RETREG1: variants seen among roughly 807,000 people sequenced by gnomAD.
RETREG1 encodes reticulophagy regulator 1.
In RETREG1, 44 loss-of-function variants were observed where a neutral mutation model predicts 54.8. The observed-to-expected ratio is 0.80, with a 90% confidence interval of 0.63 to 1.03. The LOEUF (loss-of-function observed/expected upper bound fraction) is 1.03, where lower values mean the gene tolerates loss of function less well. RETREG1 is among the 50% of genes least tolerant of loss of function. The probability of loss-of-function intolerance (pLI) is 0.00; values close to 1 mark genes in which losing one functional copy is unlikely to be tolerated. For synonymous variants in RETREG1, 217 were observed against 238.5 expected, an observed-to-expected ratio of 0.91 and a Z score of 0.83; for missense variants, 554 against 605.1, an observed-to-expected ratio of 0.92 and a Z score of 0.89.
chr5:16,531,941 C>CATGG lies in RETREG1; in HGVS notation c.458+33818_458+33821dup, dbSNP rs1361283535. ...TATGAGTTGGGAGAGCATCCCTGAG[C>CATGG]ATGGCCTTACCCATACAGGGCTGTG... On this transcript the variant is annotated intron_variant, in intron 3 of 8. Transcript: ENST00000306320. Among the ~76,000 whole-genome samples the CATGG allele has an allele frequency of 3.9e-5, 6 of 152,292 alleles. 1 individual carries two copies. Among genetic ancestry groups the CATGG allele is most frequent in the Middle Eastern group, 3.4e-3 (1 of 294 alleles).
chr5:16,503,081 C>G (rs4702148), intron 3 of RETREG1, among the ~76,000 whole-genome samples: 35,259 of 152,168 alleles, frequency 0.23, 4,406 homozygotes, highest in Middle Eastern at 0.31. Context: ...GAATTAGTCA[C>G]TCTGTGTTTA....
intron 3 of RETREG1, among the ~76,000 whole-genome samples, chr5:16,505,819 A>C (rs1315056538): frequency 5.3e-5 from 8 of 152,156 alleles, no homozygotes; most frequent in Admixed American, 5.2e-4. Context: ...CTGCTATCCT[A>C]GTCGCTGCCC....
intron 1 of RETREG1, among the ~76,000 whole-genome samples, chr5:16,601,490 A>G (rs1201950919): frequency 6.7e-6 from 1 of 149,758 alleles, no homozygotes; most frequent in Non-Finnish European, 1.5e-5. Context: ...TCCACTTCCC[A>G]GGTTCAAGTG....
intron 1 of RETREG1, among the ~76,000 whole-genome samples, chr5:16,586,251 T>C (rs902920423): frequency 1.3e-5 from 2 of 152,190 alleles, no homozygotes; most frequent in African/African-American, 4.8e-5. Context: ...AATCTTTGTG[T>C]CTTTTATCTT....
Position 16,565,780 on chromosome 5 carries a change from C to T in RETREG1, c.441G>A (p.Trp147Ter). The T allele has an allele frequency of 1.2e-6, 2 of 1,613,968 alleles. No homozygotes were observed. The highest frequency in any genetic ancestry group is 1.7e-6 in the Non-Finnish European group (2 of 1,179,996). The change falls in exon 3 of 9, where the codon TGG (tryptophan) becomes TGA (stop). Residue 147 changes from tryptophan to a stop codon, truncating the protein, a stop_gained. Coordinates refer to ENST00000306320, the MANE Select transcript of RETREG1 (RefSeq NM_001034850.3). LOFTEE classifies it high-confidence loss of function. ...VLSRTRGAQL[W>*]RSLSESWEVI... The stretch of plus-strand genomic sequence containing the variant: ...TTCCCTACCTTTCACTGAGGCTTCT[C>T]CACAACTGTGCACCTGCAACAGGGA...
At chr5:16,520,118 G>A (rs526087) in intron 3 of RETREG1, among the ~76,000 whole-genome samples, 36,750 of 151,992 alleles carry the variant, frequency 0.24, 4,700 homozygotes, top group East Asian at 0.41. Flanking sequence ...AGGCCAGCCC[G>A]GTGGGAGAGA....
In RETREG1 at chr5:16,474,916, G is replaced by T. The variant is rs757398783; in HGVS notation, c.1319C>A (p.Ala440Asp). 9 of 1,613,718 alleles carry T rather than the reference G, an allele frequency of 5.6e-6. No individual in the cohort carries two copies. The highest frequency in any genetic ancestry group is 7.6e-6 in the Non-Finnish European group (9 of 1,179,920). The change falls in exon 9 of 9, where the codon GCC (alanine) becomes GAC (aspartate). Residue 440 changes from alanine (A) to aspartate (D), a missense_variant. Physicochemically the swap from Ala to Asp is moderately radical, Grantham distance 126 (BLOSUM62 -2). Around this residue, in one of 4 missense-constraint regions of RETREG1, gnomAD observed 347 missense variants for 412.3 expected, o/e 0.84. Coordinates refer to ENST00000306320, the MANE Select transcript of RETREG1 (RefSeq NM_001034850.3). ...EGVQQALSQAAPIPEEDTDTE... is the reference protein window; with the variant it reads ...EGVQQALSQADPIPEEDTDTE... ...GTCTGTGTCCTCTTCTGGGATGGGG[G>T]CAGCCTGAGAAAGTGCTTGCTGCAC...
At chr5:16,599,925 A>G (rs1743006462) in intron 1 of RETREG1, among the ~76,000 whole-genome samples, 1 of 152,214 alleles carries the variant, frequency 6.6e-6, no homozygotes, top group Admixed American at 6.5e-5. Context: ...GGGAATTGCA[A>G]GGGTGCAAGG....
intron 3 of RETREG1, among the ~76,000 whole-genome samples, chr5:16,511,699 G>T (rs1236726934): frequency 6.6e-6 from 1 of 152,144 alleles, no homozygotes; most frequent in African/African-American, 2.4e-5. Context: ...AAAGAAAAGA[G>T]GTTTAATTGG....
chr5:16,570,346 G>A (rs950168790), intron 2 of RETREG1, among the ~76,000 whole-genome samples: 3 of 152,200 alleles, frequency 2.0e-5, no homozygotes, highest in Non-Finnish European at 4.4e-5. Flanking sequence ...CAGCGGAAAC[G>A]ATCTGTGTGT....
rs370610737 is a variant in RETREG1 at position 16,475,276 on chromosome 5, C to T, written c.1001-42G>A. On this transcript the variant is annotated intron_variant, in intron 8 of 8. Coordinates refer to ENST00000306320, the MANE Select transcript of RETREG1 (RefSeq NM_001034850.3). Reference sequence around the variant, plus strand: ...AGAAGTTCAGACTGAAGCACCATAACAAATTTCAAATAAAAGTGCTGTCTA... The same window carrying T: ...AGAAGTTCAGACTGAAGCACCATAATAAATTTCAAATAAAAGTGCTGTCTA... 1.5e-5 allele frequency: 24 copies of T among 1,600,610 alleles called. No homozygotes were observed. In the African/African-American group the frequency reaches 3.1e-4, roughly 20 times the overall value.
chr5:16,599,045 A>G lies in RETREG1; in HGVS notation c.320+17607T>C, dbSNP rs113453353. ...CCCAGAGTGCGTCCCCATCTCTACAAAAAATTTTAAAAATTAGCTGAGTGT... is the reference window on the plus strand; with the variant it reads ...CCCAGAGTGCGTCCCCATCTCTACAGAAAATTTTAAAAATTAGCTGAGTGT... On this transcript the variant is annotated intron_variant, in intron 1 of 8. Coordinates refer to ENST00000306320, the MANE Select transcript of RETREG1 (RefSeq NM_001034850.3). 1.0e-3 allele frequency among the ~76,000 whole-genome samples: 158 copies of G among 152,150 alleles called. 1 individual carries two copies. The highest frequency in any genetic ancestry group is 3.6e-3 in the African/African-American group (148 of 41,518).
intron 5 of RETREG1, among the ~76,000 whole-genome samples, chr5:16,479,906 G>A (rs1421302934): frequency 6.6e-6 from 1 of 151,994 alleles, no homozygotes; most frequent in Non-Finnish European, 1.5e-5. Context: ...CCCATCGAAA[G>A]GTAGCAGTGC....
chr5:16,516,689 G>C (rs1477105387), intron 3 of RETREG1, among the ~76,000 whole-genome samples: 1 of 151,998 alleles, frequency 6.6e-6, no homozygotes, highest in Non-Finnish European at 1.5e-5. Flanking sequence ...CTGTATTCCT[G>C]GTTTTGACAT....
In RETREG1 at chr5:16,572,119, C is replaced by G. The variant is rs779449317; in HGVS notation, c.321-17G>C. On this transcript the variant is annotated splice_polypyrimidine_tract_variant and intron_variant, in intron 1 of 8. Transcript: ENST00000306320. ...GCAAGGAACCTGCAACAGCGAAACA[C>G]AAATCAGTATTTCAATTTGAGGATT... 3 of 1,558,496 alleles carry G rather than the reference C, an allele frequency of 1.9e-6. No homozygotes were observed. The Admixed American group carries it at 5.0e-5, about 26-fold the overall frequency.
intron 3 of RETREG1, among the ~76,000 whole-genome samples, chr5:16,526,428 C>A (rs899865285): frequency 6.6e-6 from 1 of 152,176 alleles, no homozygotes; most frequent in African/African-American, 2.4e-5. Context: ...GGCTTTGAGA[C>A]CCTATTCCCA....
chr5:16,513,244 A>G (rs1740237902), intron 3 of RETREG1, among the ~76,000 whole-genome samples: 1 of 152,204 alleles, frequency 6.6e-6, no homozygotes, highest in African/African-American at 2.4e-5. Flanking sequence ...GAACTCAACC[A>G]TCTAGAACTC....
chr5:16,532,622 A>C (rs567169323), intron 3 of RETREG1, among the ~76,000 whole-genome samples: 15 of 152,342 alleles, frequency 9.8e-5, no homozygotes, highest in African/African-American at 3.6e-4. Flanking sequence ...AAACTTTCAC[A>C]ATTTATCTGT....
chr5:16,504,692 C>CACTT (rs1255279122), intron 3 of RETREG1, among the ~76,000 whole-genome samples: 1 of 152,166 alleles, frequency 6.6e-6, no homozygotes, highest in Non-Finnish European at 1.5e-5. Context: ...AGGAGTCAGC[C>CACTT]ACTTGCCTTC....
Sources: allele counts gnomAD v4.1 joint callset (sites outside exome capture counted in the v4.1 genomes callset), GRCh38; gene constraint gnomAD v4.1.1; regional missense constraint gnomAD v4.1.1; transcripts MANE v1.5; gene names NCBI Gene and HGNC (gene_info 2026-07-23, HGNC 2026-07-21).